Variants in DYNC2H1 observed in about 807,000 individuals in gnomAD.
The protein encoded by DYNC2H1 is dynein cytoplasmic 2 heavy chain 1.
Under a neutral mutation model 570.0 loss-of-function variants are expected in DYNC2H1, and 410 were observed. The ratio of observed to expected loss-of-function variants is 0.72; its 90% CI spans 0.66 to 0.78. The LOEUF is 0.78. DYNC2H1 is among the 30% of genes least tolerant of loss of function. The pLI, the probability that DYNC2H1 is intolerant of heterozygous loss-of-function variation, is 0.00. For synonymous variants in DYNC2H1, 1,688 were observed against 1,677.6 expected (o/e 1.01, Z -0.15); for missense variants, 4,865 against 5,046.4 (o/e 0.96, Z 1.09).
At chr11:103,259,530 GT>G (rs1285509743) in intron 69 of DYNC2H1, among the ~76,000 whole-genome samples, 1 of 152,006 alleles carries the variant, frequency 6.6e-6, no homozygotes, top group African/African-American at 2.4e-5. Context: ...TTGTCATATT[GT>G]TTTGGGGCTG....
chr11:103,386,716 G>T (rs966640232), intron 83 of DYNC2H1, among the ~76,000 whole-genome samples: 55 of 151,896 alleles, frequency 3.6e-4, no homozygotes, highest in African/African-American at 1.3e-3. Flanking sequence ...TGTTCTCATT[G>T]TTCAATTCCC....
rs924278751 is a variant in DYNC2H1, at chr11:103,395,027, G to A, written c.12157-4636G>A. ...ACAGTTTTGCCAGAAATCCACTTGT[G>A]GATTTAATTTAATGCAGATATGTAC... On this transcript the variant is annotated intron_variant, in intron 83 of 88. Coordinates refer to ENST00000375735, the MANE Select transcript of DYNC2H1 (RefSeq NM_001377.3). The surrounding 1 kb of genome is among the most constrained non-coding windows in gnomAD (Gnocchi z 4.3). Among the ~76,000 whole-genome samples, 4 of 151,964 alleles carry A rather than the reference G, an allele frequency of 2.6e-5. No homozygotes were observed. Among genetic ancestry groups the A allele is most frequent in the African/African-American group, 9.7e-5 (4 of 41,368 alleles).
At chr11:103,162,596 A>G (rs1861142550) in intron 29 of DYNC2H1, among the ~76,000 whole-genome samples, 4 of 152,196 alleles carry the variant, frequency 2.6e-5, no homozygotes, top group Admixed American at 2.6e-4. Flanking sequence ...TTATGAATAT[A>G]AGATCATCAG....
rs137964469 is a variant in DYNC2H1, at chr11:103,329,524, GTC to G, written c.12039+5538_12039+5539del. Among the ~76,000 whole-genome samples the G allele has an allele frequency of 9.1e-3, 1,382 of 152,236 alleles. 17 individuals are homozygous for G. Among genetic ancestry groups the G allele is most frequent in the African/African-American group, 0.031 (1,305 of 41,548 alleles). Reference sequence around the variant, plus strand: ...AAGTTTGACACTGACCAGAACCTCTGTCTCTGCCAATAAAAGTTAAAGGCAAA... The same window carrying G: ...AAGTTTGACACTGACCAGAACCTCTGTCTGCCAATAAAAGTTAAAGGCAAA... On this transcript the variant is annotated intron_variant, in intron 82 of 88. Transcript: ENST00000375735.
chr11:103,109,563 C>T lies in DYNC2H1; in HGVS notation c.-12C>T, dbSNP rs1292500002. ...TCCCCCTTCCCCCAACTTCCCTCCACCCCTTCCAATCATGGCGAACGGGAC... is the reference window on the plus strand; with the variant it reads ...TCCCCCTTCCCCCAACTTCCCTCCATCCCTTCCAATCATGGCGAACGGGAC... On this transcript the variant is annotated 5_prime_UTR_variant, in exon 1 of 89. Transcript: ENST00000375735. The T allele has an allele frequency of 3.1e-6, 5 of 1,612,676 alleles. No homozygotes were observed. In the Admixed American group the frequency reaches 6.7e-5, roughly 22 times the overall value.
rs1865950451 is a variant in DYNC2H1, at chr11:103,277,264, G to A, written c.10696-3084G>A. ...TGTGTGTTCAAATTTTATCATGTATGGCTTTTTGTATTCAATTTTTTAAAA... is the reference window on the plus strand; with the variant it reads ...TGTGTGTTCAAATTTTATCATGTATAGCTTTTTGTATTCAATTTTTTAAAA... On this transcript the variant is annotated intron_variant, in intron 70 of 88. Transcript: ENST00000375735. The surrounding 1 kb of genome is among the most constrained non-coding windows in gnomAD (Gnocchi z 4.3). Among the ~76,000 whole-genome samples the A allele has an allele frequency of 6.6e-6, 1 of 151,874 alleles. No individual in the cohort carries two copies. Among genetic ancestry groups the A allele is most frequent in the African/African-American group, 2.4e-5 (1 of 41,362 alleles).
intron 83 of DYNC2H1, among the ~76,000 whole-genome samples, chr11:103,380,962 G>C (rs1941620511): frequency 6.6e-6 from 1 of 152,186 alleles, no homozygotes; most frequent in South Asian, 2.1e-4. Flanking sequence ...ATAGAACTAG[G>C]TTGGAAAGGG....
intron 75 of DYNC2H1, among the ~76,000 whole-genome samples, chr11:103,302,075 A>G (rs1867071344): frequency 6.6e-6 from 1 of 152,042 alleles, no homozygotes; most frequent in Admixed American, 6.6e-5. Context: ...AAGTTTTAGC[A>G]GAAGAGATTT....
intron 82 of DYNC2H1, among the ~76,000 whole-genome samples, chr11:103,349,068 G>A (rs547934620): frequency 6.6e-6 from 1 of 152,190 alleles, no homozygotes; most frequent in Admixed American, 6.6e-5. Flanking sequence ...CCAGTCTCGG[G>A]TATTTCTTTA....
intron 82 of DYNC2H1, among the ~76,000 whole-genome samples, chr11:103,351,880 A>C (rs1296862911): frequency 6.6e-6 from 1 of 152,088 alleles, no homozygotes; most frequent in African/African-American, 2.4e-5. Flanking sequence ...GGTGCCTGAG[A>C]TTTACTTTGA....
chr11:103,162,927 G>A, intron 29 of DYNC2H1, 101 bp from the exon 30 acceptor site: 2 of 1,061,820 alleles, frequency 1.9e-6, no homozygotes, highest in South Asian at 2.0e-5. Context: ...TGAAATAACA[G>A]TATAGAGTTA....
chr11:103,328,192 G>A (rs997351324), intron 82 of DYNC2H1, among the ~76,000 whole-genome samples: 3 of 152,012 alleles, frequency 2.0e-5, no homozygotes, highest in African/African-American at 7.2e-5. Flanking sequence ...TTCTTCCTAA[G>A]GTTTTTTGGT....
chr11:103,263,284 A>G (rs577701009), intron 70 of DYNC2H1, among the ~76,000 whole-genome samples: 1 of 152,248 alleles, frequency 6.6e-6, no homozygotes, highest in East Asian at 1.9e-4. Context: ...CACTGTCAAT[A>G]TTAGACAGAT....
At chr11:103,233,952 T>C (rs1048932293) in intron 60 of DYNC2H1, 82 bp from the exon 61 acceptor site, 1 of 1,402,514 alleles carries the variant, frequency 7.1e-7, no homozygotes, top group African/African-American at 1.5e-5. Flanking sequence ...GGCATAAAAG[T>C]TTACTTTATT....
rs3076351 is a variant in DYNC2H1, at chr11:103,270,577, CCT to C, written c.10696-9747_10696-9746del. Among the ~76,000 whole-genome samples the C allele has an allele frequency of 9.1e-3, 1,320 of 145,812 alleles. 4 individuals carry two copies. The highest frequency in any genetic ancestry group is 0.034 in the South Asian group (156 of 4,564). Reference sequence around the variant, plus strand: ...GTGATGAAAATTATATGATGTGGTACCTCTCTCTCTCTCTCTCTCTCTCTCGA... The same window carrying C: ...GTGATGAAAATTATATGATGTGGTACCTCTCTCTCTCTCTCTCTCTCTCGA... On this transcript the variant is annotated intron_variant, in intron 70 of 88. Transcript: ENST00000375735.
At chr11:103,124,739 A>G (rs1299684085) in intron 11 of DYNC2H1, among the ~76,000 whole-genome samples, 6 of 152,298 alleles carry the variant, frequency 3.9e-5, no homozygotes, top group African/African-American at 1.4e-4. Context: ...AAGCAAGTAC[A>G]CTGATTTTTT....
At chr11:103,292,708 G>A (rs1481742979) in intron 75 of DYNC2H1, among the ~76,000 whole-genome samples, 1 of 152,142 alleles carries the variant, frequency 6.6e-6, no homozygotes, top group African/African-American at 2.4e-5. Context: ...TAAGCATGTG[G>A]CACCACCCTC....
At chr11:103,253,243 C>T in intron 65 of DYNC2H1, 42 bp from the exon 66 acceptor site, 1 of 1,554,598 alleles carries the variant, frequency 6.4e-7, no homozygotes, top group Non-Finnish European at 8.7e-7. Context: ...TAGTGAAATA[C>T]AGAAGATTCA....
chr11:103,189,949 CTG>C lies in DYNC2H1; in HGVS notation c.7437+136_7437+137del. The C allele has an allele frequency of 1.1e-6, 1 of 887,434 alleles. No homozygotes were observed. The highest frequency in any genetic ancestry group is 1.7e-6 in the Non-Finnish European group (1 of 600,408). The allele number at this position is 887,434 out of a possible 1,614,324, so 55.0% of individuals were successfully genotyped here. Reference sequence around the variant, plus strand: ...ATTAGACTTTTCTAGTAGAGAGTAACTGTGAAGACAGGTGCTGTGTGTGCCTT... The same window carrying C: ...ATTAGACTTTTCTAGTAGAGAGTAACTGAAGACAGGTGCTGTGTGTGCCTT... On this transcript the variant is annotated intron_variant, in intron 45 of 88. Coordinates refer to ENST00000375735, the MANE Select transcript of DYNC2H1 (RefSeq NM_001377.3). The surrounding 1 kb of genome is among the most constrained non-coding windows in gnomAD (Gnocchi z 4.3).
Sources: allele counts gnomAD v4.1 joint callset (sites outside exome capture counted in the v4.1 genomes callset), GRCh38; gene constraint gnomAD v4.1.1; non-coding constraint Gnocchi (gnomAD v3.1); transcripts MANE v1.5; gene names NCBI Gene and HGNC (gene_info 2026-07-23, HGNC 2026-07-21).